The following NAV2 variants were observed in gnomAD, a reference collection of about 807,000 sequenced individuals.
NAV2 encodes the protein neuron navigator 2.
In NAV2, 54 loss-of-function variants were observed where a neutral mutation model predicts 223.2. The observed-to-expected ratio is 0.24, with a 90% CI of 0.19 to 0.30. NAV2 has a LOEUF of 0.30. NAV2 is among the 10% of genes least tolerant of loss of function. The probability of loss-of-function intolerance (pLI) is 1.00; values close to 1 mark genes in which losing one functional copy is unlikely to be tolerated. For synonymous variants in NAV2, 1,279 were observed against 1,239.3 expected, an observed-to-expected ratio of 1.03 and a Z score of -0.67; for missense variants, 2,806 against 3,147.5, an observed-to-expected ratio of 0.89 and a Z score of 2.60.
chr11:19,531,926 G>C (rs539157139), intron 1 of NAV2, among the ~76,000 whole-genome samples: 4 of 152,214 alleles, frequency 2.6e-5, no homozygotes, highest in Non-Finnish European at 5.9e-5. Context: ...GATTTAGTAA[G>C]TTTGGGAGTT....
chr11:19,983,826 A>G (rs2050512396), intron 10 of NAV2, among the ~76,000 whole-genome samples: 1 of 152,232 alleles, frequency 6.6e-6, no homozygotes, highest in Admixed American at 6.5e-5. Flanking sequence ...TCATGAATCC[A>G]TGTGACAGTT....
At chr11:19,953,082 A>G (rs1333190851) in intron 10 of NAV2, among the ~76,000 whole-genome samples, 3 of 152,178 alleles carry the variant, frequency 2.0e-5, no homozygotes, top group Admixed American at 6.5e-5. Flanking sequence ...AAAGTGCCAT[A>G]TGGTACAGAA....
chr11:20,102,871 C>T (rs1428747652), intron 32 of NAV2, among the ~76,000 whole-genome samples: 1 of 152,154 alleles, frequency 6.6e-6, no homozygotes, highest in African/African-American at 2.4e-5. Flanking sequence ...GTTGTGTCTG[C>T]CACAGCACTA....
intron 1 of NAV2, among the ~76,000 whole-genome samples, chr11:19,427,961 G>GTT (rs1850898596): frequency 6.6e-6 from 1 of 151,530 alleles, no homozygotes; most frequent in Non-Finnish European, 1.5e-5. Flanking sequence ...TTTGTTTTTT[G>GTT]TGTTTTTGAT....
intron 3 of NAV2, among the ~76,000 whole-genome samples, chr11:19,848,467 T>G (rs1483463128): frequency 1.3e-5 from 2 of 152,212 alleles, no homozygotes; most frequent in African/African-American, 4.8e-5. Context: ...CTCCTCAGTC[T>G]CTTTTCTGTG....
rs2061206201 is a variant in NAV2 at position 20,095,665 on chromosome 11, C to T, written c.5917-7C>T. ...TTTTTCACCTGTGTACATTTCCTTA[C>T]CCTTAGGATTCCAGACCACATCTCT... is the stretch of plus-strand genomic sequence containing the variant. On this transcript the variant is annotated splice_region_variant and splice_polypyrimidine_tract_variant and intron_variant, in intron 29 of 37. Transcript: ENST00000349880. 2.5e-6 allele frequency: 4 copies of T among 1,603,526 alleles called. No individual in the cohort carries two copies. The highest frequency in any genetic ancestry group is 3.4e-6 in the Non-Finnish European group (4 of 1,170,610).
chr11:19,512,339 G>A (rs1022730774), intron 1 of NAV2, among the ~76,000 whole-genome samples: 2 of 152,196 alleles, frequency 1.3e-5, no homozygotes, highest in Non-Finnish European at 2.9e-5. Context: ...CAGAGGCTAG[G>A]GCTTAATTAG....
intron 6 of NAV2, among the ~76,000 whole-genome samples, chr11:19,914,586 G>A (rs376177657): frequency 4.0e-5 from 6 of 149,854 alleles, no homozygotes; most frequent in East Asian, 4.0e-4. Flanking sequence ...CGCCCAGGCC[G>A]GACTGCGGAC....
intron 1 of NAV2, among the ~76,000 whole-genome samples, chr11:19,741,868 C>G (rs1023781179): frequency 6.6e-6 from 1 of 151,796 alleles, no homozygotes; most frequent in South Asian, 2.1e-4. Flanking sequence ...GGGTATATAC[C>G]CAGAAGGGGG....
intron 1 of NAV2, among the ~76,000 whole-genome samples, chr11:19,470,264 G>T (rs548204727): frequency 9.1e-4 from 139 of 152,326 alleles, no homozygotes; most frequent in African/African-American, 3.3e-3. Context: ...CCTAGATCAG[G>T]GTTCCAGTAG....
intron 2 of NAV2, among the ~76,000 whole-genome samples, chr11:19,837,731 G>T (rs1336545851): frequency 6.6e-6 from 1 of 152,084 alleles, no homozygotes; most frequent in Non-Finnish European, 1.5e-5. Flanking sequence ...GAAGACAAAG[G>T]CTGAGAAACT....
chr11:19,984,537 T>C (rs943705777), intron 11 of NAV2, among the ~76,000 whole-genome samples: 8 of 152,192 alleles, frequency 5.3e-5, no homozygotes, highest in African/African-American at 1.4e-4. Flanking sequence ...ACTGTGTCTT[T>C]GTCAGTTCAG....
At chr11:19,519,496 C>T (rs1843792) in intron 1 of NAV2, among the ~76,000 whole-genome samples, 64,424 of 152,112 alleles carry the variant, frequency 0.42, 14,193 homozygotes, top group African/African-American at 0.53. Flanking sequence ...AGCTCGGAGA[C>T]GGTAGAGCCA....
chr11:19,595,560 ATT>A (rs2046183284), intron 1 of NAV2, among the ~76,000 whole-genome samples: 1 of 151,828 alleles, frequency 6.6e-6, no homozygotes, highest in Non-Finnish European at 1.5e-5. Context: ...TTCTTTTTTT[ATT>A]TTTATTTTTT....
intron 1 of NAV2, among the ~76,000 whole-genome samples, chr11:19,547,571 A>C (rs1190642736): frequency 6.6e-6 from 1 of 152,132 alleles, no homozygotes; most frequent in Non-Finnish European, 1.5e-5. Context: ...GCTGGCTTCC[A>C]ACTGCAGGTT....
intron 11 of NAV2, among the ~76,000 whole-genome samples, chr11:20,004,657 G>T (rs560659370): frequency 1.3e-5 from 2 of 152,262 alleles, no homozygotes; most frequent in East Asian, 3.9e-4. Context: ...TAACTTAAGG[G>T]GGTGCTGAAA....
chr11:19,717,602 C>G (rs1415353970), intron 1 of NAV2, among the ~76,000 whole-genome samples: 1 of 152,208 alleles, frequency 6.6e-6, no homozygotes, highest in Non-Finnish European at 1.5e-5. Context: ...GACATCTTCC[C>G]TTTCAAAAGG....
chr11:19,668,408 C>A (rs2135783764), intron 1 of NAV2, among the ~76,000 whole-genome samples: 1 of 152,070 alleles, frequency 6.6e-6, no homozygotes, highest in East Asian at 1.9e-4. Context: ...TGACTCACAT[C>A]TGTAGTCCCA....
intron 1 of NAV2, among the ~76,000 whole-genome samples, chr11:19,804,913 G>C (rs1049287999): frequency 2.6e-5 from 4 of 152,210 alleles, no homozygotes; most frequent in Non-Finnish European, 5.9e-5. Flanking sequence ...CACTGCAGGA[G>C]TAAAGGCCCA....
Sources: gnomAD v4.1 joint callset for allele counts (sites outside exome capture counted in the v4.1 genomes callset) on GRCh38, gnomAD v4.1.1 for gene constraint, MANE v1.5 for transcripts, NCBI Gene and HGNC (gene_info 2026-07-23, HGNC 2026-07-21) for gene names.